Variants in LRP1B observed in about 807,000 individuals in gnomAD.
LRP1B encodes the protein LDL receptor related protein 1B, also known as low-density lipoprotein receptor-related protein 1B.
A neutral mutation model predicts 556.6 loss-of-function variants in LRP1B; 217 were observed. That is an observed-to-expected ratio of 0.39 (90% CI 0.35 to 0.44). The LOEUF is 0.44. LRP1B is among the 20% of genes least tolerant of loss of function. LRP1B has a pLI of 1.00. For missense variants in LRP1B, 5,053 were observed against 5,620.8 expected, an observed-to-expected ratio of 0.90 and a Z score of 3.23; for synonymous variants, 2,047 against 1,865.8, an observed-to-expected ratio of 1.10 and a Z score of -2.50.
chr2:141,644,377 G>A (rs1304344429), intron 2 of LRP1B, among the ~76,000 whole-genome samples: 1 of 151,986 alleles, frequency 6.6e-6, no homozygotes, highest in Non-Finnish European at 1.5e-5. Context: ...CATGTAAGAA[G>A]TGCCTTTTGC....
chr2:140,385,191 G>A (rs1683704514), intron 67 of LRP1B, among the ~76,000 whole-genome samples: 1 of 152,106 alleles, frequency 6.6e-6, no homozygotes, highest in African/African-American at 2.4e-5. Context: ...GCGGCAGTGA[G>A]TCATGATCAT....
At chr2:140,346,134 A>G (rs1029613014) in intron 77 of LRP1B, among the ~76,000 whole-genome samples, 1 of 151,500 alleles carries the variant, frequency 6.6e-6, no homozygotes, top group African/African-American at 2.4e-5. Context: ...TTATTATTCT[A>G]TTCTAAAAAC....
intron 2 of LRP1B, among the ~76,000 whole-genome samples, chr2:141,588,927 A>G (rs1299372113): frequency 1.3e-5 from 2 of 152,154 alleles, no homozygotes; most frequent in African/African-American, 4.8e-5. Context: ...CCACATGGAG[A>G]ATTTAACCTG....
At chr2:140,623,956 G>GTATATATATACATATATA (rs1683555498) in intron 41 of LRP1B, among the ~76,000 whole-genome samples, 1 of 106,436 alleles carries the variant, frequency 9.4e-6, no homozygotes, top group Non-Finnish European at 1.9e-5. Flanking sequence ...TTTTATTTAT[G>GTATATATATACATATATA]TATATATATA....
At chr2:141,229,494 A>G (rs2105294807) in intron 5 of LRP1B, 54 bp from the exon 6 acceptor site, 1 of 1,310,492 alleles carries the variant, frequency 7.6e-7, no homozygotes, top group Non-Finnish European at 1.1e-6. Context: ...AGATTATTTT[A>G]CAGTTTTGCC....
chr2:140,685,583 T>G (rs1309644342), intron 41 of LRP1B, among the ~76,000 whole-genome samples: 1 of 152,294 alleles, frequency 6.6e-6, no homozygotes, highest in Non-Finnish European at 1.5e-5. Flanking sequence ...GTTAAAACTT[T>G]CACATAGAGG....
intron 72 of LRP1B, among the ~76,000 whole-genome samples, chr2:140,359,209 T>C (rs1682391283): frequency 6.6e-6 from 1 of 151,674 alleles, no homozygotes; most frequent in Admixed American, 6.6e-5. Flanking sequence ...AGATGCCTTA[T>C]CTTAGCTGAC....
chr2:141,994,795 T>C (rs1007848920), intron 1 of LRP1B, among the ~76,000 whole-genome samples: 7 of 152,176 alleles, frequency 4.6e-5, no homozygotes, highest in African/African-American at 1.7e-4. Context: ...CCACCTTACA[T>C]TTTAGACCTT....
At chr2:141,889,537 C>A (rs888804174) in intron 1 of LRP1B, among the ~76,000 whole-genome samples, 1 of 152,046 alleles carries the variant, frequency 6.6e-6, no homozygotes, top group Non-Finnish European at 1.5e-5. Context: ...GAAATGTTTG[C>A]AAGTATTAAA....
chr2:141,216,381 G>T (rs1165776017), intron 6 of LRP1B, among the ~76,000 whole-genome samples: 1 of 152,224 alleles, frequency 6.6e-6, no homozygotes, highest in African/African-American at 2.4e-5. Flanking sequence ...GGGAAAGCGT[G>T]GTTGCCCATG....
intron 3 of LRP1B, among the ~76,000 whole-genome samples, chr2:141,283,894 G>T (rs954586964): frequency 6.6e-6 from 1 of 151,990 alleles, no homozygotes; most frequent in Non-Finnish European, 1.5e-5. Context: ...TATAATTGTG[G>T]ACAACTTTAT....
At chr2:141,542,119 T>C (rs1685282653) in intron 2 of LRP1B, among the ~76,000 whole-genome samples, 1 of 152,058 alleles carries the variant, frequency 6.6e-6, no homozygotes, top group Non-Finnish European at 1.5e-5. Context: ...AGAAAGCATA[T>C]GATTTATGAC....
chr2:140,958,750 A>C (rs1461449449), intron 18 of LRP1B, among the ~76,000 whole-genome samples: 1 of 151,718 alleles, frequency 6.6e-6, no homozygotes. Flanking sequence ...TCTCAAGAAC[A>C]CATGTATAAA....
intron 7 of LRP1B, among the ~76,000 whole-genome samples, chr2:141,166,391 T>C (rs1680259757): frequency 6.6e-6 from 1 of 151,014 alleles, no homozygotes; most frequent in African/African-American, 2.4e-5. Flanking sequence ...TTTTACATTT[T>C]AATATTTACA....
chr2:142,041,340 G>T (rs1704058658), intron 1 of LRP1B, among the ~76,000 whole-genome samples: 1 of 151,408 alleles, frequency 6.6e-6, no homozygotes, highest in Non-Finnish European at 1.5e-5. Flanking sequence ...TCATGTGGAA[G>T]CTGGCACTGA....
intron 41 of LRP1B, among the ~76,000 whole-genome samples, chr2:140,607,019 A>T (rs780499841): frequency 2.0e-5 from 3 of 152,252 alleles, no homozygotes; most frequent in Admixed American, 6.5e-5. Context: ...AATGGGAGAC[A>T]ATATTTGCAA....
At chr2:140,467,143 A>G (rs1280498230) in intron 60 of LRP1B, among the ~76,000 whole-genome samples, 1 of 152,116 alleles carries the variant, frequency 6.6e-6, no homozygotes, top group Admixed American at 6.5e-5. Flanking sequence ...AAATGCATAA[A>G]ATCAATAAAA....
intron 2 of LRP1B, among the ~76,000 whole-genome samples, chr2:141,594,704 C>T (rs954660809): frequency 6.6e-6 from 1 of 152,024 alleles, no homozygotes; most frequent in Non-Finnish European, 1.5e-5. Context: ...AAATAAATTT[C>T]TTCCTTTAGA....
At position 141,372,438 on chromosome 2, in the gene LRP1B, TG is replaced by T. The variant is rs146779221; in HGVS notation, c.343+107957del. Reference sequence around the variant, plus strand: ...GAACTCCCTCCTTAATTTTTTGGAATGGTTTCAGGATTACTGGTATTGGTTC... The same window carrying T: ...GAACTCCCTCCTTAATTTTTTGGAATGTTTCAGGATTACTGGTATTGGTTC... On this transcript the variant is annotated intron_variant, in intron 3 of 90. Coordinates refer to ENST00000389484, the MANE Select transcript of LRP1B (RefSeq NM_018557.3). Among the ~76,000 whole-genome samples the T allele has an allele frequency of 6.2e-3, 945 of 152,262 alleles. 13 individuals carry two copies. The highest frequency in any genetic ancestry group is 0.021 in the African/African-American group (878 of 41,564).
Sources: allele counts gnomAD v4.1 joint callset (sites outside exome capture counted in the v4.1 genomes callset), GRCh38; gene constraint gnomAD v4.1.1; transcripts MANE v1.5; gene names NCBI Gene and HGNC (gene_info 2026-07-23, HGNC 2026-07-21).